Variants in TADA2A observed in about 807,000 individuals in gnomAD.
TADA2A encodes the protein transcriptional adapter 2-alpha.
In TADA2A, 38 loss-of-function variants were observed where a neutral mutation model predicts 67.4. That is an observed-to-expected ratio of 0.56 (90% CI 0.44 to 0.74). The LOEUF (loss-of-function observed/expected upper bound fraction) is 0.74, where lower values mean the gene tolerates loss of function less well. TADA2A is among the 30% of genes least tolerant of loss of function. TADA2A has a pLI of 0.00. For synonymous variants in TADA2A, 192 were observed against 181.6 expected (o/e 1.06, Z -0.46); for missense variants, 454 against 547.0 (o/e 0.83, Z 1.70).
chr17:37,413,599 T>G (rs2051946595), intron 2 of TADA2A, among the ~76,000 whole-genome samples: 2 of 152,046 alleles, frequency 1.3e-5, no homozygotes, highest in African/African-American at 4.8e-5. Context: ...CAGGCTGGAC[T>G]GCAGTGACAC....
chr17:37,424,981 G>A (rs1001510433), intron 3 of TADA2A, among the ~76,000 whole-genome samples: 1 of 152,092 alleles, frequency 6.6e-6, no homozygotes, highest in Non-Finnish European at 1.5e-5. Context: ...CCTGCTTCAA[G>A]GGATTCTCCT....
rs756273854 is a variant in TADA2A, at chr17:37,467,540, G to T, written c.895+15G>T. ...CAATTTTTGTAGTAAGTATGCTTCA[G>T]CTACATACCGTACTTGAGGGCAAGT... is the stretch of plus-strand genomic sequence containing the variant. On this transcript the variant is annotated intron_variant, in intron 12 of 15. Transcript: ENST00000615182. 1 of 1,601,784 alleles carries T rather than the reference G, an allele frequency of 6.2e-7. No individual in the cohort carries two copies. Among genetic ancestry groups the T allele is most frequent in the Non-Finnish European group, 8.5e-7 (1 of 1,170,092 alleles).
rs549658407 is a variant in TADA2A at position 37,416,060 on chromosome 17, T to C, written c.25+4670T>C. ...AAGGCCATTTTATGTCTCTTTTTTT[T>C]CCCCAAATTGTCTTTGTGTCTTTCG... On this transcript the variant is annotated intron_variant, in intron 2 of 15. Transcript: ENST00000615182. Among the ~76,000 whole-genome samples the C allele has an allele frequency of 1.4e-4, 22 of 152,134 alleles. No homozygotes were observed. The East Asian group carries it at 1.7e-3, about 12-fold the overall frequency.
At chr17:37,414,003 G>A (rs2051961015) in intron 2 of TADA2A, among the ~76,000 whole-genome samples, 1 of 152,080 alleles carries the variant, frequency 6.6e-6, no homozygotes, top group Non-Finnish European at 1.5e-5. Context: ...TTGTGTCCAT[G>A]TGTTCTTGTT....
At chr17:37,440,194 A>G (rs549565353) in intron 5 of TADA2A, among the ~76,000 whole-genome samples, 2 of 151,760 alleles carry the variant, frequency 1.3e-5, no homozygotes, top group Non-Finnish European at 1.5e-5. Context: ...TGATCCACCT[A>G]CCTCCCAAAG....
At chr17:37,422,465 G>A (rs2052268110) in intron 2 of TADA2A, among the ~76,000 whole-genome samples, 1 of 130,558 alleles carries the variant, frequency 7.7e-6, no homozygotes, top group Admixed American at 8.1e-5. Context: ...ACAGGCGTGA[G>A]CCACCATGCC....
rs897096658 is a variant in TADA2A, at chr17:37,478,336, C to G, written c.*1354C>G. ...GGTGTTGGATGCCTGCCCCATCACG[C>G]TGCACTGTCTGCTGTCACATGTGTC... On this transcript the variant is annotated 3_prime_UTR_variant, in exon 16 of 16. Transcript: ENST00000615182. The G allele has an allele frequency of 4.6e-5, 7 of 152,208 alleles. No individual in the cohort carries two copies. The highest frequency in any genetic ancestry group is 2.9e-5 in the Non-Finnish European group (2 of 68,050). 9.4% of individuals were successfully genotyped at this position (152,208 alleles called of 1,614,324 possible).
chr17:37,413,394 T>A (rs1239470953), intron 2 of TADA2A, among the ~76,000 whole-genome samples: 1 of 152,160 alleles, frequency 6.6e-6, no homozygotes, highest in Non-Finnish European at 1.5e-5. Context: ...AAAATAAACT[T>A]CTTTTTGGAA....
chr17:37,468,154 A>T (rs1454696121), intron 12 of TADA2A, among the ~76,000 whole-genome samples: 1 of 152,046 alleles, frequency 6.6e-6, no homozygotes, highest in African/African-American at 2.4e-5. Context: ...TGGTCTTAGC[A>T]TTTTTATAAA....
rs116937684 is a variant in TADA2A at position 37,440,233 on chromosome 17, G to C, written c.285-272G>C. Among the ~76,000 whole-genome samples the C allele has an allele frequency of 2.8e-3, 430 of 152,094 alleles. 6 individuals carry two copies. In the East Asian group the frequency reaches 0.053, roughly 19 times the overall value. The stretch of plus-strand genomic sequence containing the variant: ...TGGGATTACAGGTGTGAGCCACTGC[G>C]CCTGGCCTCAGTCATCTTTCTTTAA... On this transcript the variant is annotated intron_variant, in intron 5 of 15. Transcript: ENST00000615182.
chr17:37,479,656 A>C lies in TADA2A; in HGVS notation c.*2674A>C, dbSNP rs1211344578. The stretch of plus-strand genomic sequence containing the variant: ...ATTTTTATTGCAATTTAACGTTAAA[A>C]GTTTCTGCTGGAGTTTTATGCATAT... On this transcript the variant is annotated 3_prime_UTR_variant, in exon 16 of 16. Transcript: ENST00000615182. 6.6e-6 allele frequency: 1 copy of C among 152,198 alleles called. No homozygotes were observed. The highest frequency in any genetic ancestry group is 1.5e-5 in the Non-Finnish European group (1 of 68,020). The allele number at this position is 152,198 out of a possible 1,614,324, so 9.4% of individuals were successfully genotyped here.
chr17:37,420,851 C>G (rs2052211182), intron 2 of TADA2A, among the ~76,000 whole-genome samples: 1 of 146,898 alleles, frequency 6.8e-6, no homozygotes, highest in Non-Finnish European at 1.5e-5. Flanking sequence ...CCTTCATCTA[C>G]CTTCAAAGCT....
At chr17:37,467,378 G>T in intron 11 of TADA2A, 76 bp from the exon 12 acceptor site, 1 of 1,188,750 alleles carries the variant, frequency 8.4e-7, no homozygotes, top group Admixed American at 1.9e-5. Context: ...TAATGAAAAT[G>T]CTCAATAGCA....
At chr17:37,440,794 G>T in intron 6 of TADA2A, 132 bp downstream of exon 6, 1 of 1,167,538 alleles carries the variant, frequency 8.6e-7, no homozygotes, top group Non-Finnish European at 1.2e-6. Flanking sequence ...TAGTATGGCA[G>T]CTATTGAGAG....
intron 1 of TADA2A, among the ~76,000 whole-genome samples, chr17:37,409,319 C>T (rs1202860855): frequency 6.6e-6 from 1 of 151,998 alleles, no homozygotes; most frequent in African/African-American, 2.4e-5. Flanking sequence ...AAACTCCTGA[C>T]CTCTGGAGAT....
At position 37,407,739 on chromosome 17, in the gene TADA2A, C is replaced by T. The variant is rs565401273; in HGVS notation, c.-98+790C>T. 2.0e-4 allele frequency among the ~76,000 whole-genome samples: 30 copies of T among 152,122 alleles called. 1 individual carries two copies. Among genetic ancestry groups the T allele is most frequent in the African/African-American group, 7.0e-4 (29 of 41,516 alleles). Reference sequence around the variant, plus strand: ...GCGATTCTCGTGCCTGAGGCGTGGGCCACCACGCCCAGCTAATATTTGTAT... The same window carrying T: ...GCGATTCTCGTGCCTGAGGCGTGGGTCACCACGCCCAGCTAATATTTGTAT... On this transcript the variant is annotated intron_variant, in intron 1 of 15. Coordinates refer to ENST00000615182, the MANE Select transcript of TADA2A (RefSeq NM_001166105.3).
chr17:37,435,165 T>G (rs1015220047), intron 4 of TADA2A, among the ~76,000 whole-genome samples: 1 of 152,254 alleles, frequency 6.6e-6, no homozygotes, highest in African/African-American at 2.4e-5. Context: ...TCATTTTTCC[T>G]GGACCTTTTC....
rs2053253908 is a variant in TADA2A at position 37,452,209 on chromosome 17, C to T, written c.605-6315C>T. On this transcript the variant is annotated intron_variant, in intron 8 of 15. Coordinates refer to ENST00000615182, the MANE Select transcript of TADA2A (RefSeq NM_001166105.3). ...CTTGAGGTCAGGAGTTGCAGACCAC[C>T]CTGGCCAATGTGGCAAAACCCCATC... Among the ~76,000 whole-genome samples, 7 of 151,916 alleles carry T rather than the reference C, an allele frequency of 4.6e-5. No homozygotes were observed. The South Asian group carries it at 1.5e-3, about 32-fold the overall frequency.
chr17:37,460,925 T>C (rs1344783056), intron 9 of TADA2A, among the ~76,000 whole-genome samples: 1 of 150,060 alleles, frequency 6.7e-6, no homozygotes. Flanking sequence ...AGCCTAGGAG[T>C]TCAAGGCCAG....
Sources: allele counts gnomAD v4.1 joint callset (sites outside exome capture counted in the v4.1 genomes callset), GRCh38; gene constraint gnomAD v4.1.1; transcripts MANE v1.5; gene names NCBI Gene and HGNC (gene_info 2026-07-23, HGNC 2026-07-21).